The following AXDND1 variants were observed in gnomAD, a reference collection of about 807,000 sequenced individuals.
AXDND1 encodes the protein axonemal dynein light chain domain-containing protein 1.
Under a neutral mutation model 137.5 loss-of-function variants are expected in AXDND1, and 110 were observed. That is an observed-to-expected ratio of 0.80 (90% CI 0.69 to 0.94). The LOEUF is 0.94. Ranked by LOEUF, AXDND1 falls within the 40% of genes least tolerant of loss-of-function variation. AXDND1 has a pLI of 0.00. For missense variants in AXDND1, 1,191 were observed against 1,169.8 expected (o/e 1.02, Z -0.26); for synonymous variants, 414 against 399.7 (o/e 1.04, Z -0.43).
Position 179,503,094 on chromosome 1 carries a change from T to TTA in AXDND1, c.2389-6202_2389-6201insTA, listed in dbSNP as rs1553298214. Among the ~76,000 whole-genome samples, 17 of 136,812 alleles carry TTA rather than the reference T, an allele frequency of 1.2e-4. 1 individual carries two copies. Among genetic ancestry groups the TTA allele is most frequent in the Non-Finnish European group, 2.4e-4 (15 of 63,124 alleles). The allele number at this position is 136,812 out of a possible 152,430, so 89.8% of individuals were successfully genotyped here. A position where few individuals can be genotyped will look rare whatever the true frequency, so the allele number is the denominator to read the frequency against. On this transcript the variant is annotated intron_variant, in intron 20 of 25. Coordinates refer to ENST00000367618, the MANE Select transcript of AXDND1 (RefSeq NM_144696.6). Reference sequence around the variant, plus strand: ...TGGGCAAAAAGAGCAAAACTCCGTGTAAAAAAAAAAAAAAAGGATATTCCA... The same window carrying TTA: ...TGGGCAAAAAGAGCAAAACTCCGTGTTAAAAAAAAAAAAAAAAGGATATTCCA...
intron 4 of AXDND1, among the ~76,000 whole-genome samples, chr1:179,373,490 C>T (rs1418167679): frequency 2.0e-5 from 3 of 152,136 alleles, no homozygotes; most frequent in Non-Finnish European, 2.9e-5. Flanking sequence ...AAATTTCATA[C>T]GGAACCAAAA....
At chr1:179,420,734 T>C (rs1169749483) in intron 12 of AXDND1, among the ~76,000 whole-genome samples, 1 of 151,898 alleles carries the variant, frequency 6.6e-6, no homozygotes, top group Non-Finnish European at 1.5e-5. Context: ...GCAATTCTCG[T>C]GTCTCAGCCT....
chr1:179,468,366 T>C (rs1170297503), intron 16 of AXDND1, 77 bp from the exon 17 acceptor site: 2 of 1,020,684 alleles, frequency 2.0e-6, no homozygotes, highest in East Asian at 2.6e-5. Context: ...CCTTGCTCAG[T>C]AGGATTTTAT....
At chr1:179,494,195 G>A (rs754039550) in intron 20 of AXDND1, among the ~76,000 whole-genome samples, 4 of 151,956 alleles carry the variant, frequency 2.6e-5, no homozygotes, top group South Asian at 4.2e-4. Context: ...CAAGTGATCC[G>A]CCCTCCTCAG....
chr1:179,463,930 T>A (rs1263075568), intron 16 of AXDND1, among the ~76,000 whole-genome samples: 2 of 151,974 alleles, frequency 1.3e-5, no homozygotes, highest in Non-Finnish European at 2.9e-5. Context: ...TATCAGAGAC[T>A]AGGATTGCAA....
At chr1:179,540,567 TTCG>T (rs1463210049) in intron 25 of AXDND1, among the ~76,000 whole-genome samples, 6 of 152,222 alleles carry the variant, frequency 3.9e-5, no homozygotes, top group Non-Finnish European at 7.3e-5. Context: ...CTCTGGAAGC[TTCG>T]TCCCAGAGGG....
At position 179,533,877 on chromosome 1, in the gene AXDND1, TGTAA is replaced by T. The variant is rs747092358; in HGVS notation, c.2798+4_2798+7del. The T allele has an allele frequency of 6.2e-7, 1 of 1,611,602 alleles. No individual in the cohort carries two copies. Among genetic ancestry groups the T allele is most frequent in the Admixed American group, 1.7e-5 (1 of 59,988 alleles). On this transcript the variant is annotated splice_donor_variant and splice_donor_region_variant and intron_variant, in intron 24 of 25. Coordinates refer to ENST00000367618, the MANE Select transcript of AXDND1 (RefSeq NM_144696.6). LOFTEE classifies it high-confidence loss of function. ...ATTGAACATATGCAGGAGAAGTTAC[TGTAA>T]GTATGAGTCAACACAATGGTAAGAG...
At chr1:179,504,845 C>T (rs1237089436) in intron 20 of AXDND1, among the ~76,000 whole-genome samples, 1 of 152,186 alleles carries the variant, frequency 6.6e-6, no homozygotes, top group African/African-American at 2.4e-5. Context: ...TGAGAATCTG[C>T]TCTCACACCA....
At chr1:179,408,353 C>T (rs927247841) in intron 11 of AXDND1, among the ~76,000 whole-genome samples, 3 of 151,208 alleles carry the variant, frequency 2.0e-5, no homozygotes, top group Admixed American at 6.6e-5. Context: ...CTGATTTAAT[C>T]GTCATTTTTT....
intron 17 of AXDND1, among the ~76,000 whole-genome samples, chr1:179,474,963 C>A (rs1017785548): frequency 1.3e-5 from 2 of 152,322 alleles, no homozygotes; most frequent in South Asian, 4.1e-4. Flanking sequence ...ACATGGCGTC[C>A]TGTGTCCCAG....
At chr1:179,424,426 C>CTTT (rs139043229) in intron 12 of AXDND1, among the ~76,000 whole-genome samples, 2 of 107,802 alleles carry the variant, frequency 1.9e-5, no homozygotes, top group South Asian at 3.0e-4. Flanking sequence ...TTTCTATTAT[C>CTTT]TTTTTTTTTT....
intron 20 of AXDND1, among the ~76,000 whole-genome samples, chr1:179,506,669 G>A (rs1668567567): frequency 6.6e-6 from 1 of 152,112 alleles, no homozygotes; most frequent in African/African-American, 2.4e-5. Context: ...GGCGGAGGTT[G>A]CAGTGAGCCG....
chr1:179,423,485 T>TA (rs1328344142), intron 12 of AXDND1, among the ~76,000 whole-genome samples: 3 of 152,196 alleles, frequency 2.0e-5, no homozygotes, highest in African/African-American at 7.2e-5. Context: ...TGTTGCTTTT[T>TA]ATCTTGTTTT....
At chr1:179,448,186 T>C (rs1320997241) in intron 16 of AXDND1, 1 of 899,590 alleles carries the variant, frequency 1.1e-6, no homozygotes, top group Non-Finnish European at 1.9e-6. Context: ...TGTTCCTTCT[T>C]GTTCAGAGCC....
At chr1:179,470,399 A>G (rs1427837434) in intron 17 of AXDND1, among the ~76,000 whole-genome samples, 4 of 152,296 alleles carry the variant, frequency 2.6e-5, no homozygotes, top group Admixed American at 6.5e-5. Context: ...GTACATCAGA[A>G]TGGGAATATT....
At chr1:179,401,258 CAAA>C (rs201354000) in intron 11 of AXDND1, among the ~76,000 whole-genome samples, 6 of 83,682 alleles carry the variant, frequency 7.2e-5, no homozygotes, top group African/African-American at 2.3e-4. Context: ...AACTCCATCT[CAAA>C]AAAAAAAAAA....
intron 25 of AXDND1, 44 bp downstream of exon 25, chr1:179,535,006 G>A: frequency 1.2e-6 from 2 of 1,606,014 alleles, no homozygotes; most frequent in East Asian, 2.2e-5. Context: ...TTGTATTTAT[G>A]AAAGAAAATT....
rs1648560782 is a variant in AXDND1, at chr1:179,382,631, G to C, written c.582-69G>C. On this transcript the variant is annotated intron_variant, in intron 6 of 25. Transcript: ENST00000367618. ...TTAGAAACCAAGATTCTGGGGGTTA[G>C]TTGTGCTAATTGATAAACAGGCCAG... is the stretch of plus-strand genomic sequence containing the variant. 8 of 1,095,922 alleles carry C rather than the reference G, an allele frequency of 7.3e-6. No homozygotes were observed. In the South Asian group the frequency reaches 1.1e-4, roughly 14 times the overall value. 67.9% of individuals were successfully genotyped at this position (1,095,922 alleles called of 1,614,324 possible). A position where few individuals can be genotyped will look rare whatever the true frequency, so the allele number is the denominator to read the frequency against.
Position 179,385,257 on chromosome 1 carries a change from T to C in AXDND1, c.761T>C (p.Ile254Thr). The change falls in exon 9 of 26, where the codon ATA becomes ACA. Residue 254 changes from isoleucine (I) to threonine (T), a missense_variant. Transcript: ENST00000367618. ...GPTKMHKLLH[I>T]LKKEQTIYNM... ...TGACAGATGCACAAACTACTACATA[T>C]ATTGAAGAAGGAACAGACCATTTAC... 3 of 1,610,260 alleles carry C rather than the reference T, an allele frequency of 1.9e-6. No individual in the cohort carries two copies. The highest frequency in any genetic ancestry group is 2.5e-6 in the Non-Finnish European group (3 of 1,176,534).
Sources: allele counts gnomAD v4.1 joint callset (sites outside exome capture counted in the v4.1 genomes callset), GRCh38; gene constraint gnomAD v4.1.1; transcripts MANE v1.5; gene names NCBI Gene and HGNC (gene_info 2026-07-23, HGNC 2026-07-21).